The following SHISA9 variants were observed in gnomAD, a reference collection of about 807,000 sequenced individuals.
SHISA9 encodes the protein protein shisa-9.
SHISA9 carries 13 observed loss-of-function variants against 38.0 expected under a neutral mutation model. The ratio of observed to expected loss-of-function variants is 0.34; its 90% CI spans 0.22 to 0.54. SHISA9 has a LOEUF of 0.54. Ranked by LOEUF, SHISA9 falls within the 20% of genes least tolerant of loss-of-function variation. The probability of loss-of-function intolerance (pLI) is 0.91; values close to 1 mark genes in which losing one functional copy is unlikely to be tolerated. For missense variants in SHISA9, 538 were observed against 575.8 expected (o/e 0.93, Z 0.67); for synonymous variants, 275 against 242.0 (o/e 1.14, Z -1.27).
chr16:13,284,915 G>T, the SHISA9 span, among the ~76,000 whole-genome samples: 1 of 152,042 alleles, frequency 6.6e-6, no homozygotes, highest in Non-Finnish European at 1.5e-5. Flanking sequence ...ATTCTCTTTG[G>T]AACATTTGCT....
the SHISA9 span, among the ~76,000 whole-genome samples, chr16:13,392,638 T>C: frequency 6.6e-6 from 1 of 152,274 alleles, no homozygotes; most frequent in Non-Finnish European, 1.5e-5. Context: ...GTCTTAGGTC[T>C]CTAAAGTCCC....
the SHISA9 span, among the ~76,000 whole-genome samples, chr16:13,340,377 G>A: frequency 6.6e-6 from 1 of 152,166 alleles, no homozygotes; most frequent in Non-Finnish European, 1.5e-5. Context: ...TGGATGTGAT[G>A]GTGCCTTGTG....
At chr16:13,070,708 T>G (rs1481920675) in intron 2 of SHISA9, among the ~76,000 whole-genome samples, 2 of 152,234 alleles carry the variant, frequency 1.3e-5, no homozygotes, top group African/African-American at 4.8e-5. Context: ...AGGCATTCGC[T>G]CATTAGCAAA....
At chr16:13,272,395 A>T in the SHISA9 span, among the ~76,000 whole-genome samples, 1 of 152,064 alleles carries the variant, frequency 6.6e-6, no homozygotes, top group East Asian at 1.9e-4. Context: ...CTGTTTAAAA[A>T]CAATTTTTTT....
At chr16:13,343,326 C>A in the SHISA9 span, among the ~76,000 whole-genome samples, 1 of 152,160 alleles carries the variant, frequency 6.6e-6, no homozygotes, top group Non-Finnish European at 1.5e-5. Flanking sequence ...AACATGTGAT[C>A]TCAATCTTAC....
At chr16:13,102,046 C>T (rs752459244) in intron 2 of SHISA9, among the ~76,000 whole-genome samples, 1 of 152,132 alleles carries the variant, frequency 6.6e-6, no homozygotes, top group African/African-American at 2.4e-5. Context: ...CCCTACTCAC[C>T]CAGCAGTTTA....
chr16:13,195,802 G>T lies in SHISA9; in HGVS notation c.692-7592G>T, dbSNP rs563213157. On this transcript the variant is annotated intron_variant, in intron 2 of 4. Transcript: ENST00000558583. ...ATGAGAAAAATATGAGACAAATTCC[G>T]TTTGGCCAGGCGTGGTGGCTCACGC... Among the ~76,000 whole-genome samples, 3 of 152,084 alleles carry T rather than the reference G, an allele frequency of 2.0e-5. No individual in the cohort carries two copies. In the South Asian group the frequency reaches 6.2e-4, roughly 32 times the overall value.
the SHISA9 span, among the ~76,000 whole-genome samples, chr16:13,420,653 T>A: frequency 2.0e-5 from 3 of 152,056 alleles, no homozygotes; most frequent in Non-Finnish European, 2.9e-5. Context: ...ACAGAAAAAT[T>A]CATTATGGCT....
At chr16:13,195,103 G>T (rs1391636882) in intron 2 of SHISA9, among the ~76,000 whole-genome samples, 1 of 152,162 alleles carries the variant, frequency 6.6e-6, no homozygotes. Context: ...TGTCAGCATA[G>T]AGGGAGTAGA....
chr16:13,219,189 C>T (rs2051199155), intron 4 of SHISA9, among the ~76,000 whole-genome samples: 2 of 152,208 alleles, frequency 1.3e-5, no homozygotes, highest in African/African-American at 4.8e-5. Flanking sequence ...ATCAAGATTG[C>T]AATAAACATT....
intron 2 of SHISA9, among the ~76,000 whole-genome samples, chr16:13,153,058 C>G (rs535643776): frequency 6.6e-6 from 1 of 152,230 alleles, no homozygotes; most frequent in South Asian, 2.1e-4. Context: ...ATATGCCAGT[C>G]CCTAGAGGCT....
chr16:12,920,839 TC>T (rs1171687730), intron 2 of SHISA9, among the ~76,000 whole-genome samples: 1 of 152,198 alleles, frequency 6.6e-6, no homozygotes, highest in African/African-American at 2.4e-5. Flanking sequence ...CCTTTTCTGT[TC>T]TAGAGTCCCA....
chr16:13,532,793 C>T, the SHISA9 span, among the ~76,000 whole-genome samples: 1 of 152,102 alleles, frequency 6.6e-6, no homozygotes, highest in African/African-American at 2.4e-5. Context: ...TGCTGATTTC[C>T]CAGACACTCA....
At chr16:13,285,917 C>A in the SHISA9 span, among the ~76,000 whole-genome samples, 1 of 152,020 alleles carries the variant, frequency 6.6e-6, no homozygotes, top group African/African-American at 2.4e-5. Context: ...TATCTTCTAC[C>A]ATTTTAGTCA....
At chr16:13,367,382 C>A in the SHISA9 span, among the ~76,000 whole-genome samples, 1 of 149,860 alleles carries the variant, frequency 6.7e-6, no homozygotes, top group Admixed American at 6.7e-5. Context: ...TAAGCTCTTA[C>A]CCTGTATCAG....
the SHISA9 span, among the ~76,000 whole-genome samples, chr16:13,514,150 A>G: frequency 2.6e-5 from 4 of 151,898 alleles, no homozygotes; most frequent in Admixed American, 2.0e-4. Flanking sequence ...AGGCACCACC[A>G]CACTCGGCTA....
the SHISA9 span, among the ~76,000 whole-genome samples, chr16:13,285,633 G>A: frequency 2.6e-5 from 4 of 152,112 alleles, no homozygotes; most frequent in East Asian, 3.9e-4. Flanking sequence ...CATAGATCCC[G>A]CTTTGGGGAC....
At chr16:13,245,696 C>G in the SHISA9 span, among the ~76,000 whole-genome samples, 3 of 152,248 alleles carry the variant, frequency 2.0e-5, no homozygotes, top group African/African-American at 7.2e-5. Flanking sequence ...AAACCTGGTT[C>G]TCTCTGATTC....
Position 12,989,445 on chromosome 16 carries a change from T to A in SHISA9, c.691+72630T>A, listed in dbSNP as rs1226258452. The stretch of plus-strand genomic sequence containing the variant: ...TGCCTGCCTCAGCCTCCCCCGGGTG[T>A]TGGGATTACAGGCATGAGCCACTGC... On this transcript the variant is annotated intron_variant, in intron 2 of 4. Transcript: ENST00000558583. 2.0e-5 allele frequency among the ~76,000 whole-genome samples: 3 copies of A among 152,036 alleles called. No individual in the cohort carries two copies. The East Asian group carries it at 5.8e-4, about 29-fold the overall frequency.
Sources: allele counts gnomAD v4.1 joint callset (sites outside exome capture counted in the v4.1 genomes callset), GRCh38; gene constraint gnomAD v4.1.1; transcripts MANE v1.5; gene names NCBI Gene and HGNC (gene_info 2026-07-23, HGNC 2026-07-21).